Variants in PRKDC observed in about 807,000 individuals in gnomAD.
The protein encoded by PRKDC is protein kinase, DNA-activated, catalytic subunit.
PRKDC carries 82 observed loss-of-function variants against 486.9 expected under a neutral mutation model. The ratio of observed to expected loss-of-function variants is 0.17; its 90% CI spans 0.14 to 0.20. PRKDC has a LOEUF of 0.20. PRKDC is among the 10% of genes least tolerant of loss of function. The pLI is 1.00. For missense variants in PRKDC, 4,504 were observed against 5,038.2 expected, an observed-to-expected ratio of 0.89 and a Z score of 3.21; for synonymous variants, 1,895 against 1,837.0, an observed-to-expected ratio of 1.03 and a Z score of -0.81.
At position 47,954,322 on chromosome 8, in the gene PRKDC, T is replaced by C. The variant is rs376578006; in HGVS notation, c.508+16A>G. On this transcript the variant is annotated intron_variant, in intron 5 of 85. Transcript: ENST00000314191. ...TTTGCTAAACTATTTGAAAATAACA[T>C]GTAAATGCATCTCACCTGTATCTGG... The C allele has an allele frequency of 5.0e-5, 52 of 1,032,544 alleles. No individual in the cohort carries two copies. The highest frequency in any genetic ancestry group is 6.6e-5 in the African/African-American group (4 of 60,406). The allele number at this position is 1,032,544 out of a possible 1,614,324, so 64.0% of individuals were successfully genotyped here. A position where few individuals can be genotyped will look rare whatever the true frequency, so the allele number is the denominator to read the frequency against.
At position 47,791,649 on chromosome 8, in the gene PRKDC, T is replaced by G. The variant is rs147490381; in HGVS notation, c.10671-2411A>C. Among the ~76,000 whole-genome samples, 6 of 152,052 alleles carry G rather than the reference T, an allele frequency of 3.9e-5. No homozygotes were observed. In the East Asian group the frequency reaches 1.2e-3, roughly 29 times the overall value. Reference sequence around the variant, plus strand: ...AAAACATGCTCAACATCAATGAACATCAGAGAAATGCAAATCAAAACCACA... The same window carrying G: ...AAAACATGCTCAACATCAATGAACAGCAGAGAAATGCAAATCAAAACCACA... On this transcript the variant is annotated intron_variant, in intron 74 of 85. Transcript: ENST00000314191.
intron 10 of PRKDC, 28 bp from the exon 11 acceptor site, chr8:47,939,725 G>T (rs752674942): frequency 1.1e-5 from 16 of 1,508,140 alleles, no homozygotes; most frequent in Non-Finnish European, 1.3e-5. Context: ...TTATTTTTTT[G>T]GAAATATTTA....
intron 21 of PRKDC, among the ~76,000 whole-genome samples, chr8:47,922,277 C>T (rs1052226998): frequency 1.3e-5 from 2 of 152,182 alleles, no homozygotes; most frequent in East Asian, 1.9e-4. Context: ...AAACCACAGG[C>T]GTATACCACC....
rs138744346 is a variant in PRKDC, at chr8:47,927,048, T to C, written c.2419+146A>G. ...TTATCACAATTAGAGTCAGATAAAT[T>C]AGGGAAATTACAAAAATAGCAATCA... On this transcript the variant is annotated intron_variant, in intron 21 of 85. Transcript: ENST00000314191. The C allele has an allele frequency of 2.4e-4, 199 of 814,330 alleles. No homozygotes were observed. In the African/African-American group the frequency reaches 3.2e-3, roughly 13 times the overall value. The allele number at this position is 814,330 out of a possible 1,614,324, so 50.4% of individuals were successfully genotyped here. A position where few individuals can be genotyped will look rare whatever the true frequency, so the allele number is the denominator to read the frequency against.
intron 47 of PRKDC, 106 bp from the exon 48 acceptor site, chr8:47,858,741 C>T (rs994601622): frequency 9.6e-6 from 14 of 1,458,594 alleles, no homozygotes; most frequent in Middle Eastern, 3.6e-4. Flanking sequence ...AAAAAAAAAT[C>T]ACATTTATTT....
Position 47,826,819 on chromosome 8 carries a change from C to T in PRKDC, c.8620G>A (p.Ala2874Thr). ...GCCAGGCAACCAGCGCTAACAGCCGCTGGGTCGAGGCTCAGCAGGGCTGCG... is the reference window on the plus strand; with the variant it reads ...GCCAGGCAACCAGCGCTAACAGCCGTTGGGTCGAGGCTCAGCAGGGCTGCG... ...QHAALLSLDP[A>T]AVSAGCLASL... The change falls in exon 63 of 86, where the codon GCG (alanine) becomes ACG (threonine). Residue 2874 changes from alanine (A) to threonine (T), a missense_variant. By Grantham distance (58) the Ala-to-Thr change is moderately conservative (BLOSUM62 0). Transcript: ENST00000314191. The T allele has an allele frequency of 1.2e-6, 2 of 1,604,160 alleles. No individual in the cohort carries two copies. The highest frequency in any genetic ancestry group is 1.7e-6 in the Non-Finnish European group (2 of 1,175,036).
intron 18 of PRKDC, among the ~76,000 whole-genome samples, chr8:47,929,384 A>C (rs1190255456): frequency 6.6e-6 from 1 of 152,240 alleles, no homozygotes; most frequent in Admixed American, 6.5e-5. Flanking sequence ...GCTAGTGAGA[A>C]GCCAAGCACA....
chr8:47,875,280 T>C (rs1055808964), intron 40 of PRKDC, among the ~76,000 whole-genome samples: 2 of 152,240 alleles, frequency 1.3e-5, no homozygotes, highest in African/African-American at 4.8e-5. Flanking sequence ...TTACAGTTTC[T>C]GAGAGGTCAG....
intron 59 of PRKDC, among the ~76,000 whole-genome samples, chr8:47,832,912 C>A (rs1212859860): frequency 6.6e-6 from 1 of 152,212 alleles, no homozygotes; most frequent in African/African-American, 2.4e-5. Flanking sequence ...AGAGAAAAGA[C>A]CCACGTTCTC....
At chr8:47,797,480 G>C (rs1380612197) in intron 73 of PRKDC, among the ~76,000 whole-genome samples, 1 of 152,174 alleles carries the variant, frequency 6.6e-6, no homozygotes, top group Non-Finnish European at 1.5e-5. Flanking sequence ...CCGCAGCCCA[G>C]AGATCAACAT....
intron 30 of PRKDC, among the ~76,000 whole-genome samples, 184 bp from the exon 31 acceptor site, chr8:47,893,571 A>C (rs554728795): frequency 2.6e-5 from 4 of 152,206 alleles, no homozygotes; most frequent in Admixed American, 6.5e-5. Flanking sequence ...CAGGTTCCTC[A>C]AACATTATAA....
rs370809936 is a variant in PRKDC, at chr8:47,933,150, G to A, written c.1646C>T (p.Ala549Val). 111 of 1,533,802 alleles carry A rather than the reference G, an allele frequency of 7.2e-5. No individual in the cohort carries two copies. Among genetic ancestry groups the A allele is most frequent in the Non-Finnish European group, 9.3e-5 (106 of 1,143,204 alleles). Residue 549 changes from alanine to valine, a missense_variant, in exon 16 of 86, where the codon GCA becomes GTA. Ala to Val is a moderately conservative substitution (Grantham distance 64). Coordinates refer to ENST00000314191, the MANE Select transcript of PRKDC (RefSeq NM_006904.7). ...QMMDSILADE[A>V]FFSVNSSSES... ...ACTGGAGGAATTCACAGAGAAAAAT[G>A]CTTCATCTGCTAAAATAGAATCCTT...
At chr8:47,898,389 T>C (rs1589775790) in intron 29 of PRKDC, 81 bp downstream of exon 29, 1 of 1,134,120 alleles carries the variant, frequency 8.8e-7, no homozygotes, top group Admixed American at 2.1e-5. Context: ...CTTCCACAGA[T>C]CCATCCCAGG....
intron 74 of PRKDC, among the ~76,000 whole-genome samples, chr8:47,793,001 C>T (rs768079030): frequency 6.6e-6 from 1 of 152,226 alleles, no homozygotes; most frequent in Non-Finnish European, 1.5e-5. Flanking sequence ...CCCACCTCAG[C>T]CTCCTAAGTA....
intron 19 of PRKDC, 29 bp from the exon 20 acceptor site, chr8:47,927,919 AT>A: frequency 6.8e-7 from 1 of 1,466,408 alleles, no homozygotes; most frequent in Non-Finnish European, 9.0e-7. Flanking sequence ...AGTAATGTAT[AT>A]CTGAATAGAG....
At chr8:47,929,801 T>C in intron 18 of PRKDC, 52 bp downstream of exon 18, 3 of 1,496,784 alleles carry the variant, frequency 2.0e-6, no homozygotes, top group Non-Finnish European at 2.7e-6. Flanking sequence ...CATTTATATA[T>C]ACTCATGACC....
Position 47,798,260 on chromosome 8 carries a change from T to C in PRKDC, c.10435A>G (p.Thr3479Ala), listed in dbSNP as rs768504452. The change falls in exon 73 of 86, where the codon ACT (threonine) becomes GCT (alanine). Residue 3479 changes from threonine (T) to alanine (A), a missense_variant. Transcript: ENST00000314191. ...LQIIERYPEE[T>A]LSLMTKEISS... ...ACCTCTTTTGTCATGAGGCTCAAAG[T>C]CTCCTCTGGATACCGTTCTATAATC... is the stretch of plus-strand genomic sequence containing the variant. The C allele has an allele frequency of 6.2e-7, 1 of 1,613,238 alleles. No individual in the cohort carries two copies. Among genetic ancestry groups the C allele is most frequent in the Admixed American group, 1.7e-5 (1 of 59,864 alleles).
At chr8:47,785,657 G>T (rs1486462394) in intron 76 of PRKDC, among the ~76,000 whole-genome samples, 1 of 152,052 alleles carries the variant, frequency 6.6e-6, no homozygotes, top group East Asian at 1.9e-4. Context: ...TCGCTATTGA[G>T]CCCAGGAGTC....
chr8:47,956,887 TA>T (rs963185668), intron 3 of PRKDC, among the ~76,000 whole-genome samples: 4 of 142,234 alleles, frequency 2.8e-5, no homozygotes, highest in African/African-American at 7.9e-5. Context: ...AGATAGTTAT[TA>T]AAAAAAATTA....
Sources: gnomAD v4.1 joint callset for allele counts (sites outside exome capture counted in the v4.1 genomes callset) on GRCh38, gnomAD v4.1.1 for gene constraint, MANE v1.5 for transcripts, NCBI Gene and HGNC (gene_info 2026-07-23, HGNC 2026-07-21) for gene names.